Variants in CWC25 observed in about 807,000 individuals in gnomAD.
CWC25 encodes the protein pre-mRNA-splicing factor CWC25 homolog.
CWC25 carries 31 observed loss-of-function variants against 54.6 expected under a neutral mutation model. The observed-to-expected ratio is 0.57, with a 90% CI of 0.43 to 0.77. CWC25 has a LOEUF of 0.77. Among genes scored for constraint, CWC25 ranks in the 30% least tolerant of loss-of-function variants. The pLI is 0.00. For synonymous variants in CWC25, 151 were observed against 187.0 expected (o/e 0.81, Z 1.57); for missense variants, 453 against 529.3 (o/e 0.86, Z 1.41).
intron 2 of CWC25, among the ~76,000 whole-genome samples, chr17:38,818,190 C>T (rs1056657656): frequency 1.3e-5 from 2 of 148,630 alleles, no homozygotes; most frequent in African/African-American, 5.0e-5. Flanking sequence ...GCAAGAGACC[C>T]GCTTGAACCC....
chr17:38,805,952 A>T (rs1911218884), intron 8 of CWC25, among the ~76,000 whole-genome samples: 1 of 152,120 alleles, frequency 6.6e-6, no homozygotes, highest in African/African-American at 2.4e-5. Flanking sequence ...AACTGGGATT[A>T]CAGGCATGTG....
chr17:38,814,505 C>A (rs1329432145), intron 3 of CWC25, among the ~76,000 whole-genome samples: 1 of 151,326 alleles, frequency 6.6e-6, no homozygotes, highest in African/African-American at 2.4e-5. Context: ...CTTTGGGAGG[C>A]CGAGGCGGGC....
chr17:38,808,071 A>AC (rs575220542), intron 6 of CWC25, among the ~76,000 whole-genome samples: 6,877 of 128,570 alleles, frequency 0.053, 1,065 homozygotes, highest in African/African-American at 0.15. Flanking sequence ...AAAAAAAAAA[A>AC]AGAAAAGAAA....
chr17:38,821,199 T>C (rs1341395243), intron 1 of CWC25, 126 bp from the exon 2 acceptor site: 1 of 825,760 alleles, frequency 1.2e-6, no homozygotes, highest in Non-Finnish European at 1.9e-6. Flanking sequence ...TCTTCAACAA[T>C]GGCAAGGTTT....
At chr17:38,816,634 T>C (rs2143587583) in intron 2 of CWC25, among the ~76,000 whole-genome samples, 1 of 152,180 alleles carries the variant, frequency 6.6e-6, no homozygotes, top group South Asian at 2.1e-4. Context: ...CCTAGTTGCA[T>C]GCTTGGACAT....
intron 7 of CWC25, 118 bp downstream of exon 7, chr17:38,806,647 C>G (rs1000075967): frequency 3.6e-5 from 35 of 982,162 alleles, no homozygotes; most frequent in East Asian, 2.6e-5. Context: ...AAAGGAAATA[C>G]CAAAGCAAAG....
rs374643570 is a variant in CWC25 at position 38,810,455 on chromosome 17, G to A, written c.626+13C>T. ...GAATCAACGAGAAGGGAGGCCAGTC[G>A]CCACATGCTCACCTCCCTGCACTGT... On this transcript the variant is annotated intron_variant, in intron 5 of 9. Transcript: ENST00000614790. 1.3e-4 allele frequency: 195 copies of A among 1,539,232 alleles called. No individual in the cohort carries two copies. The African/African-American group carries it at 2.2e-3, about 17-fold the overall frequency.
At chr17:38,818,843 G>A (rs1055976060) in intron 2 of CWC25, among the ~76,000 whole-genome samples, 1 of 151,954 alleles carries the variant, frequency 6.6e-6, no homozygotes, top group African/African-American at 2.4e-5. Flanking sequence ...CTCTACAGTT[G>A]TGCATCTGTA....
intron 2 of CWC25, among the ~76,000 whole-genome samples, chr17:38,817,796 TAAC>T (rs1017035916): frequency 6.7e-6 from 1 of 149,032 alleles, no homozygotes; most frequent in African/African-American, 2.5e-5. Context: ...ACAAAAATAA[TAAC>T]AATAATAATA....
Position 38,806,747 on chromosome 17 carries a change from A to G in CWC25, c.902+18T>C, listed in dbSNP as rs745763029. 6 of 1,541,100 alleles carry G rather than the reference A, an allele frequency of 3.9e-6. No individual in the cohort carries two copies. In the Admixed American group the frequency reaches 1.2e-4, roughly 32 times the overall value. On this transcript the variant is annotated intron_variant, in intron 7 of 9. Transcript: ENST00000614790. ...CCCCCACAGTCACAGGTTATTTCCC[A>G]GTGAATCCCACACTCACAGTTTGCT...
intron 8 of CWC25, 107 bp downstream of exon 8, chr17:38,806,189 AG>A (rs1461363977): frequency 1.1e-6 from 1 of 927,072 alleles, no homozygotes; most frequent in Non-Finnish European, 1.7e-6. Flanking sequence ...GATAAATAAA[AG>A]TTGGTTCGTC....
At position 38,806,836 on chromosome 17, in the gene CWC25, C is replaced by T; in HGVS notation, c.831G>A (p.Arg277=). ...ACCTCCTGTCCCGGGACCCTGCTTC[C>T]CTGGTGCTCTTCTTGCTGGCATGTC... is the stretch of plus-strand genomic sequence containing the variant. ...PPRHASKKST[R]EAGSRDRRSR... Residue 277 remains arginine (R), a synonymous_variant, in exon 7 of 10, where the codon AGG becomes AGA. Transcript: ENST00000614790. 6.2e-7 allele frequency: 1 copy of T among 1,613,556 alleles called. No individual in the cohort carries two copies. The highest frequency in any genetic ancestry group is 8.5e-7 in the Non-Finnish European group (1 of 1,179,792).
At chr17:38,821,248 A>G (rs1335526592) in intron 1 of CWC25, among the ~76,000 whole-genome samples, 175 bp from the exon 2 acceptor site, 2 of 152,084 alleles carry the variant, frequency 1.3e-5, no homozygotes, top group African/African-American at 2.4e-5. Flanking sequence ...GGGGAAGGGG[A>G]GCTTGTTCAA....
At position 38,802,698 on chromosome 17, in the gene CWC25, A is replaced by G; in HGVS notation, c.1163+2T>C. The stretch of plus-strand genomic sequence containing the variant: ...ACCCTGGCAGGAAGAAGATGCACTC[A>G]CTGGATGAACTTCCCATCCCGGGAG... On this transcript the variant is annotated splice_donor_variant, in intron 9 of 9. Coordinates refer to ENST00000614790, the MANE Select transcript of CWC25 (RefSeq NM_017748.5). LOFTEE classifies it high-confidence loss of function. 1 of 1,613,858 alleles carries G rather than the reference A, an allele frequency of 6.2e-7. No homozygotes were observed. Among genetic ancestry groups the G allele is most frequent in the Non-Finnish European group, 8.5e-7 (1 of 1,179,826 alleles).
chr17:38,806,829 C>G lies in CWC25; in HGVS notation c.838G>C (p.Gly280Arg). 6.2e-7 allele frequency: 1 copy of G among 1,613,282 alleles called. No individual in the cohort carries two copies. The highest frequency in any genetic ancestry group is 8.5e-7 in the Non-Finnish European group (1 of 1,179,698). Residue 280 changes from glycine to arginine, a missense_variant, in exon 7 of 10, where the codon GGG becomes CGG. Transcript: ENST00000614790. Reference protein sequence around the residue: ...HASKKSTREAGSRDRRSRSLG... With the variant: ...HASKKSTREARSRDRRSRSLG... ...GATCGAGACCTCCTGTCCCGGGACC[C>G]TGCTTCCCTGGTGCTCTTCTTGCTG...
intron 1 of CWC25, among the ~76,000 whole-genome samples, chr17:38,823,991 C>A (rs1912034793): frequency 6.6e-6 from 1 of 152,118 alleles, no homozygotes; most frequent in South Asian, 2.1e-4. Context: ...GTTGAGAAAC[C>A]CTGGATTAGA....
intron 8 of CWC25, among the ~76,000 whole-genome samples, chr17:38,805,524 G>GAT (rs1292778269): frequency 6.6e-6 from 1 of 152,056 alleles, no homozygotes; most frequent in African/African-American, 2.4e-5. Context: ...ATGTTGCTCA[G>GAT]ACTGGTCTGG....
intron 2 of CWC25, among the ~76,000 whole-genome samples, chr17:38,818,588 CAAAAAAAAAAAAAAA>C (rs56382375): frequency 2.1e-5 from 1 of 48,482 alleles, no homozygotes; most frequent in Non-Finnish European, 3.4e-5. Context: ...GACTCCATCT[CAAAAAAAAAAAAAAA>C]AAAAAAAAAA....
intron 2 of CWC25, among the ~76,000 whole-genome samples, chr17:38,816,389 G>A (rs958504708): frequency 1.2e-4 from 19 of 152,012 alleles, no homozygotes; most frequent in African/African-American, 4.3e-4. Flanking sequence ...GGGACTACAG[G>A]GATGCACCAC....
Sources: gnomAD v4.1 joint callset for allele counts (sites outside exome capture counted in the v4.1 genomes callset) on GRCh38, gnomAD v4.1.1 for gene constraint, MANE v1.5 for transcripts, NCBI Gene and HGNC (gene_info 2026-07-23, HGNC 2026-07-21) for gene names.